The following EPB41L2 variants were observed in gnomAD, a reference collection of about 807,000 sequenced individuals.
The protein encoded by EPB41L2 is band 4.1-like protein 2.
In EPB41L2, 43 loss-of-function variants were observed where a neutral mutation model predicts 113.0. That is an observed-to-expected ratio of 0.38 (90% confidence interval 0.30 to 0.49). EPB41L2 has a LOEUF of 0.49. Ranked by LOEUF, EPB41L2 falls within the 20% of genes least tolerant of loss-of-function variation. The pLI is 0.95. For synonymous variants in EPB41L2, 442 were observed against 436.7 expected (o/e 1.01, Z -0.15); for missense variants, 1,147 against 1,223.4 (o/e 0.94, Z 0.93).
Position 131,027,659 on chromosome 6 carries a change from A to T in EPB41L2, c.-15+35496T>A, listed in dbSNP as rs1791189239. ...GCATCATTCTGAAAAGTTTATATGA[A>T]ACTTTTATAACACAGAGAATAAATG... On this transcript the variant is annotated intron_variant, in intron 1 of 19. Coordinates refer to ENST00000337057, the MANE Select transcript of EPB41L2 (RefSeq NM_001431.4). 2.6e-5 allele frequency among the ~76,000 whole-genome samples: 4 copies of T among 152,202 alleles called. No individual in the cohort carries two copies. The South Asian group carries it at 8.3e-4, about 32-fold the overall frequency.
intron 12 of EPB41L2, among the ~76,000 whole-genome samples, chr6:130,884,206 G>A (rs1790191933): frequency 6.6e-6 from 1 of 151,930 alleles, no homozygotes; most frequent in African/African-American, 2.4e-5. Flanking sequence ...GTGGTGGCAG[G>A]CGCCTGTAAT....
chr6:130,849,814 G>A (rs1778238789), intron 19 of EPB41L2, among the ~76,000 whole-genome samples: 2 of 152,136 alleles, frequency 1.3e-5, no homozygotes, highest in Non-Finnish European at 2.9e-5. Flanking sequence ...GACTAGCAAA[G>A]CTTTTTTTTA....
chr6:130,934,802 T>C (rs926138098), intron 3 of EPB41L2, among the ~76,000 whole-genome samples: 5 of 151,646 alleles, frequency 3.3e-5, no homozygotes, highest in African/African-American at 1.2e-4. Context: ...TTTTCTTTTT[T>C]TTTTTTTTTT....
chr6:130,881,919 C>T (rs1789446956), intron 12 of EPB41L2: 1 of 152,024 alleles, frequency 6.6e-6, no homozygotes, highest in Admixed American at 6.5e-5. Context: ...TTCATCTGGT[C>T]TCCAAATACT....
intron 8 of EPB41L2, among the ~76,000 whole-genome samples, chr6:130,896,820 AGCAATGCATGGG>A (rs1373162765): frequency 6.6e-6 from 1 of 152,178 alleles, no homozygotes; most frequent in South Asian, 2.1e-4. Flanking sequence ...TGCTCCATGG[AGCAATGCATGGG>A]GCAATGCATG....
At chr6:130,993,623 G>C (rs558210763) in intron 1 of EPB41L2, among the ~76,000 whole-genome samples, 1 of 152,284 alleles carries the variant, frequency 6.6e-6, no homozygotes, top group South Asian at 2.1e-4. Flanking sequence ...TCGATCTTCA[G>C]GGGGTATGTG....
intron 4 of EPB41L2, among the ~76,000 whole-genome samples, chr6:130,919,749 T>C (rs1802289593): frequency 6.6e-6 from 1 of 152,202 alleles, no homozygotes; most frequent in Non-Finnish European, 1.5e-5. Flanking sequence ...TTTTCAGCTA[T>C]GACACTAAGG....
At chr6:130,939,257 CTTT>C (rs879441496) in intron 3 of EPB41L2, among the ~76,000 whole-genome samples, 1 of 145,844 alleles carries the variant, frequency 6.9e-6, no homozygotes, top group Non-Finnish European at 1.5e-5. Flanking sequence ...ACCCAAATAA[CTTT>C]TTTTTTTTTT....
intron 4 of EPB41L2, among the ~76,000 whole-genome samples, chr6:130,911,950 G>A (rs1799550198): frequency 6.6e-6 from 1 of 152,136 alleles, no homozygotes; most frequent in African/African-American, 2.4e-5. Flanking sequence ...ATTAGGAACT[G>A]GGCTGCACAG....
intron 4 of EPB41L2, among the ~76,000 whole-genome samples, chr6:130,912,826 G>A (rs1290156439): frequency 6.6e-6 from 1 of 152,046 alleles, no homozygotes. Flanking sequence ...GGGGCAAATG[G>A]GTGGAATTTT....
At chr6:130,975,487 A>G (rs1304788905) in intron 1 of EPB41L2, among the ~76,000 whole-genome samples, 1 of 152,160 alleles carries the variant, frequency 6.6e-6, no homozygotes, top group Non-Finnish European at 1.5e-5. Flanking sequence ...AGAACCCAAT[A>G]ATCTGATGAG....
intron 1 of EPB41L2, among the ~76,000 whole-genome samples, chr6:130,966,372 T>C (rs1775184068): frequency 2.0e-5 from 3 of 152,172 alleles, no homozygotes; most frequent in Non-Finnish European, 4.4e-5. Context: ...CATTGTTAAG[T>C]ACAAACAGCA....
rs372581380 is a variant in EPB41L2, at chr6:130,946,947, C to T, written c.705+8158G>A. On this transcript the variant is annotated intron_variant, in intron 3 of 19. Coordinates refer to ENST00000337057, the MANE Select transcript of EPB41L2 (RefSeq NM_001431.4). Reference sequence around the variant, plus strand: ...TGCCTAACATACCCAATGTTCTAATCGCATCACAAAAAAAAATTATCTATA... The same window carrying T: ...TGCCTAACATACCCAATGTTCTAATTGCATCACAAAAAAAAATTATCTATA... 7.3e-5 allele frequency among the ~76,000 whole-genome samples: 11 copies of T among 151,450 alleles called. No individual in the cohort carries two copies. The East Asian group carries it at 1.5e-3, about 21-fold the overall frequency.
intron 4 of EPB41L2, among the ~76,000 whole-genome samples, chr6:130,919,305 C>T (rs1017838962): frequency 5.3e-5 from 8 of 152,136 alleles, no homozygotes; most frequent in Admixed American, 5.2e-4. Flanking sequence ...AAGAACGCTA[C>T]AGTAGACCCA....
At chr6:130,855,365 T>C (rs1190870520) in intron 19 of EPB41L2, among the ~76,000 whole-genome samples, 1 of 151,956 alleles carries the variant, frequency 6.6e-6, no homozygotes, top group Non-Finnish European at 1.5e-5. Context: ...AAATAAAAAA[T>C]AAATAAAACC....
chr6:130,851,134 C>A (rs1476679649), intron 19 of EPB41L2, among the ~76,000 whole-genome samples: 1 of 152,146 alleles, frequency 6.6e-6, no homozygotes, highest in East Asian at 1.9e-4. Context: ...GATATGCCTG[C>A]AGAACTGAAA....
intron 1 of EPB41L2, among the ~76,000 whole-genome samples, chr6:130,971,189 G>A (rs1049228902): frequency 3.9e-5 from 6 of 152,104 alleles, no homozygotes; most frequent in South Asian, 2.1e-4. Context: ...GAGCCACCGC[G>A]TCCGGCCACC....
intron 1 of EPB41L2, among the ~76,000 whole-genome samples, chr6:131,015,647 C>A (rs56201801): frequency 0.28 from 42,614 of 152,146 alleles, 7,046 homozygotes; most frequent in Non-Finnish European, 0.37. Context: ...AAACTGGACT[C>A]TTCTAAAAAA....
chr6:130,864,707 T>C (rs377297943), intron 17 of EPB41L2, among the ~76,000 whole-genome samples: 5 of 152,254 alleles, frequency 3.3e-5, no homozygotes, highest in East Asian at 3.8e-4. Context: ...GCTTAATAAC[T>C]GGATATGCTT....
Sources: allele counts gnomAD v4.1 joint callset (sites outside exome capture counted in the v4.1 genomes callset), GRCh38; gene constraint gnomAD v4.1.1; transcripts MANE v1.5; gene names NCBI Gene and HGNC (gene_info 2026-07-23, HGNC 2026-07-21).